Variants in NLK observed in about 807,000 individuals in gnomAD.
The protein encoded by NLK is nemo like kinase.
NLK carries 11 observed loss-of-function variants against 59.0 expected under a neutral mutation model. The observed-to-expected ratio is 0.19, with a 90% CI of 0.12 to 0.31. The LOEUF (loss-of-function observed/expected upper bound fraction) is 0.31. Ranked by LOEUF, NLK falls within the 10% of genes least tolerant of loss-of-function variation. The probability of loss-of-function intolerance (pLI) is 1.00; values close to 1 mark genes in which losing one functional copy is unlikely to be tolerated. For missense variants in NLK, 410 were observed against 661.1 expected (o/e 0.62, Z 4.16); for synonymous variants, 235 against 235.9 (o/e 1.00, Z 0.03).
intron 3 of NLK, among the ~76,000 whole-genome samples, chr17:28,140,650 G>A (rs1046765624): frequency 6.6e-6 from 1 of 151,990 alleles, no homozygotes; most frequent in African/African-American, 2.4e-5. Context: ...TTACCTTTAA[G>A]GAGTTCATGG....
chr17:28,089,042 C>T (rs916947156), intron 1 of NLK, among the ~76,000 whole-genome samples: 2 of 152,176 alleles, frequency 1.3e-5, no homozygotes, highest in African/African-American at 4.8e-5. Flanking sequence ...ACAGTGCATA[C>T]ACAGTACTCA....
intron 6 of NLK, 48 bp downstream of exon 6, chr17:28,168,705 A>T (rs762906780): frequency 2.1e-6 from 3 of 1,449,112 alleles, no homozygotes; most frequent in South Asian, 2.3e-5. Context: ...TGCAGATTTG[A>T]AGGAAAATCC....
chr17:28,046,480 T>C (rs1567698289), intron 1 of NLK, among the ~76,000 whole-genome samples: 1 of 152,200 alleles, frequency 6.6e-6, no homozygotes, highest in Non-Finnish European at 1.5e-5. Flanking sequence ...CAAGATATCA[T>C]ATACAATTTG....
intron 1 of NLK, among the ~76,000 whole-genome samples, chr17:28,043,851 A>T (rs1253807816): frequency 6.6e-6 from 1 of 152,212 alleles, no homozygotes; most frequent in Non-Finnish European, 1.5e-5. Flanking sequence ...ACCAGTTAAG[A>T]TCATTGCTTG....
rs1050147122 is a variant in NLK at position 28,134,114 on chromosome 17, T to A, written c.644+1439T>A. ...AAAAATAAAAAAATAAAAAGTATAGTGGGCACAGTGGCTCACACCTGTAAT... is the reference window on the plus strand; with the variant it reads ...AAAAATAAAAAAATAAAAAGTATAGAGGGCACAGTGGCTCACACCTGTAAT... On this transcript the variant is annotated intron_variant, in intron 3 of 10. Transcript: ENST00000407008. 1.3e-4 allele frequency among the ~76,000 whole-genome samples: 20 copies of A among 151,848 alleles called. No individual in the cohort carries two copies. In the East Asian group the frequency reaches 1.7e-3, roughly 13 times the overall value.
chr17:28,159,896 G>A (rs1189625121), intron 3 of NLK, among the ~76,000 whole-genome samples: 1 of 152,164 alleles, frequency 6.6e-6, no homozygotes, highest in Non-Finnish European at 1.5e-5. Context: ...CTGATGAATT[G>A]GAGGTATGGT....
intron 1 of NLK, among the ~76,000 whole-genome samples, chr17:28,107,959 T>A (rs760302902): frequency 1.1e-3 from 169 of 152,222 alleles, no homozygotes; most frequent in Middle Eastern, 6.8e-3. Flanking sequence ...ACAGACTGGG[T>A]GCAGTGGCTC....
chr17:28,107,841 T>C (rs1905261033), intron 1 of NLK, among the ~76,000 whole-genome samples: 1 of 152,200 alleles, frequency 6.6e-6, no homozygotes, highest in Non-Finnish European at 1.5e-5. Flanking sequence ...AGTAGAATCC[T>C]TGTGCTCTCA....
intron 1 of NLK, among the ~76,000 whole-genome samples, chr17:28,062,669 C>T (rs1909701447): frequency 6.6e-6 from 1 of 152,116 alleles, no homozygotes; most frequent in Non-Finnish European, 1.5e-5. Context: ...CAACCTCTGC[C>T]TCCCGGGTTC....
intron 7 of NLK, among the ~76,000 whole-genome samples, chr17:28,172,990 T>C (rs1340490302): frequency 6.6e-6 from 1 of 152,176 alleles, no homozygotes; most frequent in African/African-American, 2.4e-5. Flanking sequence ...ACCTCGTATT[T>C]CTTATTCCAG....
intron 1 of NLK, among the ~76,000 whole-genome samples, chr17:28,064,419 A>G (rs976302190): frequency 6.6e-6 from 1 of 151,930 alleles, no homozygotes; most frequent in Non-Finnish European, 1.5e-5. Context: ...AAGTGTTGGG[A>G]TTATATAGGC....
intron 2 of NLK, among the ~76,000 whole-genome samples, chr17:28,129,508 A>G (rs928682328): frequency 1.3e-5 from 2 of 152,192 alleles, no homozygotes; most frequent in African/African-American, 2.4e-5. Context: ...TGGTATTTAC[A>G]TAGAAATATG....
chr17:28,123,951 T>C (rs1261387565), intron 2 of NLK, among the ~76,000 whole-genome samples: 1 of 152,208 alleles, frequency 6.6e-6, no homozygotes, highest in East Asian at 1.9e-4. Flanking sequence ...AAATTATGAT[T>C]TCTCATGAGT....
chr17:28,139,693 T>G (rs1364716013), intron 3 of NLK, among the ~76,000 whole-genome samples: 9 of 152,206 alleles, frequency 5.9e-5, no homozygotes, highest in Non-Finnish European at 1.0e-4. Context: ...TATCTCCAAT[T>G]TATAGATGAA....
intron 1 of NLK, among the ~76,000 whole-genome samples, chr17:28,068,101 A>G (rs1469505701): frequency 6.6e-6 from 1 of 150,620 alleles, no homozygotes; most frequent in Non-Finnish European, 1.5e-5. Flanking sequence ...AGAGGGAGCC[A>G]CCACACTCCA....
intron 8 of NLK, among the ~76,000 whole-genome samples, chr17:28,186,862 C>G (rs1161193382): frequency 3.3e-5 from 5 of 152,136 alleles, no homozygotes; most frequent in African/African-American, 1.2e-4. Context: ...ATACTATAAG[C>G]CTGACAAAGT....
chr17:28,202,612 T>C, the NLK span, among the ~76,000 whole-genome samples: 1 of 152,156 alleles, frequency 6.6e-6, no homozygotes, highest in Non-Finnish European at 1.5e-5. Flanking sequence ...TAAAATGAAC[T>C]GGGGAGTATT....
downstream of NLK, among the ~76,000 whole-genome samples, chr17:28,199,272 A>G (rs2142079558): frequency 6.6e-6 from 1 of 152,322 alleles, no homozygotes; most frequent in South Asian, 2.1e-4. Flanking sequence ...GAAATGGTGC[A>G]ACAGCTGTGG....
chr17:28,043,474 T>C (rs190813165), intron 1 of NLK, 143 bp downstream of exon 1: 15 of 729,082 alleles, frequency 2.1e-5, no homozygotes, highest in South Asian at 8.9e-5. Context: ...CCCTCACTTA[T>C]GTGGTAAAGA....
Sources: gnomAD v4.1 joint callset for allele counts (sites outside exome capture counted in the v4.1 genomes callset) on GRCh38, gnomAD v4.1.1 for gene constraint, MANE v1.5 for transcripts, NCBI Gene and HGNC (gene_info 2026-07-23, HGNC 2026-07-21) for gene names.